The following AIM2 variants were observed in gnomAD, a reference collection of about 807,000 sequenced individuals.
The protein encoded by AIM2 is interferon-inducible protein AIM2.
Under a neutral mutation model 27.7 loss-of-function variants are expected in AIM2, and 30 were observed. The observed-to-expected ratio is 1.08, with a 90% confidence interval of 0.81 to 1.47. The LOEUF (loss-of-function observed/expected upper bound fraction) is 1.47, where lower values mean the gene tolerates loss of function less well. AIM2 is among the 40% of genes most tolerant of loss of function. The pLI is 0.00. For synonymous variants in AIM2, 141 were observed against 145.3 expected (o/e 0.97, Z 0.21); for missense variants, 358 against 411.3 (o/e 0.87, Z 1.12).
chr1:159,059,868 G>A (rs369202595), downstream of AIM2, among the ~76,000 whole-genome samples: 1 of 151,912 alleles, frequency 6.6e-6, no homozygotes. Flanking sequence ...TGCCTTGATC[G>A]CACCGTGTCA....
intron 1 of AIM2, among the ~76,000 whole-genome samples, chr1:159,117,693 T>C (rs555169484): frequency 6.6e-6 from 1 of 152,060 alleles, no homozygotes; most frequent in Admixed American, 6.5e-5. Context: ...GCTGAGGCCA[T>C]GTTGACCTTA....
At chr1:159,117,754 GAC>G (rs137925144) in intron 1 of AIM2, among the ~76,000 whole-genome samples, 7 of 150,842 alleles carry the variant, frequency 4.6e-5, no homozygotes, top group Admixed American at 2.6e-4. Context: ...GAATTTCACT[GAC>G]ACACACACAC....
upstream of AIM2, among the ~76,000 whole-genome samples, chr1:159,141,776 G>C (rs191916466): frequency 8.1e-5 from 12 of 148,882 alleles, no homozygotes; most frequent in Middle Eastern, 7.2e-3. Flanking sequence ...TCTGAGCGGT[G>C]GGGGGGGACA....
intron 1 of AIM2, among the ~76,000 whole-genome samples, chr1:159,109,051 T>G (rs956204349): frequency 2.0e-4 from 31 of 152,018 alleles, no homozygotes; most frequent in African/African-American, 7.3e-4. Context: ...ATTCTAAAAT[T>G]CATAAGGAAC....
At chr1:159,099,797 C>T (rs1162658209) in intron 1 of AIM2, among the ~76,000 whole-genome samples, 1 of 152,206 alleles carries the variant, frequency 6.6e-6, no homozygotes, top group Admixed American at 6.5e-5. Context: ...CAAGATCAGT[C>T]TAAGACAACG....
chr1:159,141,333 G>A (rs1648106081), upstream of AIM2, among the ~76,000 whole-genome samples: 1 of 152,162 alleles, frequency 6.6e-6, no homozygotes, highest in Non-Finnish European at 1.5e-5. Flanking sequence ...GTCACTATGT[G>A]CCAATTATCT....
chr1:159,084,825 A>G (rs557307320), intron 1 of AIM2, among the ~76,000 whole-genome samples: 7 of 151,296 alleles, frequency 4.6e-5, no homozygotes, highest in African/African-American at 1.5e-4. Context: ...ATACAGACAC[A>G]CACACACATC....
intron 1 of AIM2, among the ~76,000 whole-genome samples, chr1:159,102,416 C>A (rs972306276): frequency 1.3e-5 from 2 of 152,244 alleles, no homozygotes; most frequent in East Asian, 1.9e-4. Context: ...GGAGCCCCCA[C>A]ACAGAGTCCC....
upstream of AIM2, among the ~76,000 whole-genome samples, chr1:159,144,118 C>G (rs116396524): frequency 0.018 from 2,708 of 152,266 alleles, 72 homozygotes; most frequent in African/African-American, 0.061. Context: ...TGATAAAGAT[C>G]AGCTGAGATT....
Position 159,066,048 on chromosome 1 carries a change from A to T in AIM2, c.678T>A (p.Arg226=). The T allele has an allele frequency of 6.2e-7, 1 of 1,614,188 alleles. No homozygotes were observed. The highest frequency in any genetic ancestry group is 8.5e-7 in the Non-Finnish European group (1 of 1,180,036). Reference sequence around the variant, plus strand: ...TTTGGTCAGATTCAGCATCTAACACACGTGAGGCGCTATTTACCTCTAAGA... The same window carrying T: ...TTTGGTCAGATTCAGCATCTAACACTCGTGAGGCGCTATTTACCTCTAAGA... ...SGFLEVNSAS[R]VLDAESDQKV... is the part of the protein sequence containing the mutation. The change falls in exon 4 of 6, where the codon CGT becomes CGA. Residue 226 remains arginine, a synonymous_variant. Transcript: ENST00000368130.
intron 1 of AIM2, among the ~76,000 whole-genome samples, chr1:159,093,029 A>G (rs1314454065): frequency 2.7e-5 from 3 of 111,948 alleles, no homozygotes; most frequent in Non-Finnish European, 3.8e-5. Flanking sequence ...CCGTCTCAAA[A>G]TAAATAAATA....
intron 2 of AIM2, among the ~76,000 whole-genome samples, chr1:159,070,573 G>T (rs1038985397): frequency 3.9e-5 from 6 of 152,204 alleles, no homozygotes; most frequent in Admixed American, 2.0e-4. Flanking sequence ...TGTTATTTCT[G>T]ATAGAATTTG....
chr1:159,134,055 T>A (rs1217433140), intron 1 of AIM2, among the ~76,000 whole-genome samples: 1 of 152,194 alleles, frequency 6.6e-6, no homozygotes, highest in Non-Finnish European at 1.5e-5. Flanking sequence ...TCTTCAAGTG[T>A]TTCTGATCTT....
chr1:159,120,167 T>C (rs944077795), intron 1 of AIM2, among the ~76,000 whole-genome samples: 3 of 152,124 alleles, frequency 2.0e-5, no homozygotes, highest in Non-Finnish European at 4.4e-5. Flanking sequence ...TTCTAGAATA[T>C]ACGTAAAATA....
At chr1:159,109,234 G>T (rs1254443674) in intron 1 of AIM2, among the ~76,000 whole-genome samples, 1 of 152,134 alleles carries the variant, frequency 6.6e-6, no homozygotes, top group Non-Finnish European at 1.5e-5. Context: ...GAACAGAATA[G>T]AGAACCCAGA....
intron 2 of AIM2, among the ~76,000 whole-genome samples, 179 bp from the exon 3 acceptor site, chr1:159,068,880 A>G (rs892862974): frequency 5.9e-5 from 9 of 152,162 alleles, no homozygotes; most frequent in African/African-American, 1.9e-4. Context: ...CACAGACACC[A>G]GTAATCCCAG....
chr1:159,144,158 TCC>T (rs1648164232), upstream of AIM2, among the ~76,000 whole-genome samples: 1 of 152,178 alleles, frequency 6.6e-6, no homozygotes, highest in South Asian at 2.1e-4. Flanking sequence ...TCCCCTTTCT[TCC>T]TCTATTCCAT....
intron 1 of AIM2, among the ~76,000 whole-genome samples, chr1:159,111,494 C>G (rs1203075528): frequency 6.6e-6 from 1 of 152,064 alleles, no homozygotes; most frequent in African/African-American, 2.4e-5. Flanking sequence ...AGAGAACTTG[C>G]TCCTAAACAG....
chr1:159,076,454 G>C (rs1480632894), intron 1 of AIM2, among the ~76,000 whole-genome samples, 179 bp downstream of exon 1: 1 of 152,198 alleles, frequency 6.6e-6, no homozygotes, highest in Admixed American at 6.5e-5. Context: ...AGACACCAGA[G>C]GACATGGCTA....
Sources: gnomAD v4.1 joint callset for allele counts (sites outside exome capture counted in the v4.1 genomes callset) on GRCh38, gnomAD v4.1.1 for gene constraint, MANE v1.5 for transcripts, NCBI Gene and HGNC (gene_info 2026-07-23, HGNC 2026-07-21) for gene names.